Variants in PDE3A observed in about 807,000 individuals in gnomAD.
PDE3A encodes the protein phosphodiesterase 3A.
A neutral mutation model predicts 98.3 loss-of-function variants in PDE3A; 43 were observed. The observed-to-expected ratio is 0.44, with a 90% CI of 0.34 to 0.56. The LOEUF (loss-of-function observed/expected upper bound fraction) is 0.56, where lower values mean the gene tolerates loss of function less well. Ranked by LOEUF, PDE3A falls within the 20% of genes least tolerant of loss-of-function variation. The pLI, the probability that PDE3A is intolerant of heterozygous loss-of-function variation, is 0.01. For synonymous variants in PDE3A, 663 were observed against 567.9 expected (o/e 1.17, Z -2.38); for missense variants, 1,427 against 1,440.7 (o/e 0.99, Z 0.15).
At chr12:20,670,367 C>T (rs1429008177) in intron 15 of PDE3A, among the ~76,000 whole-genome samples, 1 of 150,316 alleles carries the variant, frequency 6.7e-6, no homozygotes, top group Non-Finnish European at 1.5e-5. Context: ...ATCTACAGAA[C>T]TCTCCACCCC....
intron 2 of PDE3A, among the ~76,000 whole-genome samples, chr12:20,601,343 A>G (rs1943587406): frequency 2.6e-5 from 4 of 152,070 alleles, no homozygotes; most frequent in Admixed American, 2.0e-4. Flanking sequence ...AAATGTTTGT[A>G]TGGTCCTGAA....
chr12:20,601,552 TG>T (rs1371449760), intron 2 of PDE3A, among the ~76,000 whole-genome samples: 1 of 152,200 alleles, frequency 6.6e-6, no homozygotes, highest in African/African-American at 2.4e-5. Context: ...AAATTACATG[TG>T]GGAAAATGTT....
intron 1 of PDE3A, among the ~76,000 whole-genome samples, chr12:20,376,805 T>A (rs1822752): frequency 0.69 from 104,437 of 151,534 alleles, 36,251 homozygotes; most frequent in East Asian, 0.98. Flanking sequence ...AAATAGGGTA[T>A]AATATCAGAG....
intron 2 of PDE3A, among the ~76,000 whole-genome samples, chr12:20,600,521 T>C (rs1943569595): frequency 6.6e-6 from 1 of 152,190 alleles, no homozygotes; most frequent in Non-Finnish European, 1.5e-5. Flanking sequence ...AAGCACTGTG[T>C]ACTTCACCTG....
rs1252815621 is a variant in PDE3A, at chr12:20,552,780, A to G, written c.961-3880A>G. On this transcript the variant is annotated intron_variant, in intron 1 of 15. Coordinates refer to ENST00000359062, the MANE Select transcript of PDE3A (RefSeq NM_000921.5). This position sits in a 1 kb window ranked among gnomAD's most constrained non-coding sequence, Gnocchi z 5.1. ...GCCCGTTCCAGTTGTTCCTGAGTAAAGTGGAGGAGACGTTCCAGTGTATCT... is the reference window on the plus strand; with the variant it reads ...GCCCGTTCCAGTTGTTCCTGAGTAAGGTGGAGGAGACGTTCCAGTGTATCT... The G allele has an allele frequency of 6.2e-7, 1 of 1,613,916 alleles. No homozygotes were observed. Among genetic ancestry groups the G allele is most frequent in the Non-Finnish European group, 8.5e-7 (1 of 1,179,914 alleles).
At chr12:20,578,002 G>A (rs1942974528) in intron 2 of PDE3A, among the ~76,000 whole-genome samples, 1 of 152,130 alleles carries the variant, frequency 6.6e-6, no homozygotes, top group Non-Finnish European at 1.5e-5. Flanking sequence ...GCAGTCCTGT[G>A]AGAATTCCAC....
At chr12:20,396,401 C>T (rs1436190713) in intron 1 of PDE3A, among the ~76,000 whole-genome samples, 1 of 152,054 alleles carries the variant, frequency 6.6e-6, no homozygotes, top group Non-Finnish European at 1.5e-5. Context: ...ACAGTTTCGT[C>T]TGGGTGGTGA....
At chr12:20,587,715 C>G (rs1200323089) in intron 2 of PDE3A, among the ~76,000 whole-genome samples, 2 of 152,120 alleles carry the variant, frequency 1.3e-5, no homozygotes, top group Admixed American at 6.5e-5. Context: ...AGTTCTTAAG[C>G]CGATGGATTC....
chr12:20,606,813 A>C (rs1414402724), intron 2 of PDE3A, among the ~76,000 whole-genome samples: 1 of 148,976 alleles, frequency 6.7e-6, no homozygotes, highest in Non-Finnish European at 1.5e-5. Context: ...AGCTGAGATC[A>C]CGCCATTGCA....
At chr12:20,420,956 C>G (rs771342193) in intron 1 of PDE3A, among the ~76,000 whole-genome samples, 1 of 152,062 alleles carries the variant, frequency 6.6e-6, no homozygotes, top group Non-Finnish European at 1.5e-5. Flanking sequence ...TGGACTTGTT[C>G]CATATTGTCC....
chr12:20,629,542 A>G (rs1340519916), intron 5 of PDE3A, among the ~76,000 whole-genome samples: 1 of 152,232 alleles, frequency 6.6e-6, no homozygotes, highest in African/African-American at 2.4e-5. Flanking sequence ...TCACAACCTA[A>G]GAGAAAGTAA....
chr12:20,531,467 A>T (rs760550342), intron 1 of PDE3A, among the ~76,000 whole-genome samples: 1 of 152,172 alleles, frequency 6.6e-6, no homozygotes, highest in Non-Finnish European at 1.5e-5. Flanking sequence ...ACTCACAATC[A>T]TTATATTAGA....
intron 1 of PDE3A, among the ~76,000 whole-genome samples, chr12:20,556,298 A>C (rs1942365973): frequency 6.6e-6 from 1 of 152,134 alleles, no homozygotes; most frequent in African/African-American, 2.4e-5. Context: ...CATTTGCGGC[A>C]GTAGATTTAA....
chr12:20,463,739 T>G (rs1472678345), intron 1 of PDE3A, among the ~76,000 whole-genome samples: 1 of 152,164 alleles, frequency 6.6e-6, no homozygotes, highest in Non-Finnish European at 1.5e-5. Flanking sequence ...ACAAAAGTAG[T>G]ATGTACCTGC....
intron 1 of PDE3A, among the ~76,000 whole-genome samples, chr12:20,373,168 T>G (rs1943508841): frequency 6.6e-6 from 1 of 152,066 alleles, no homozygotes; most frequent in South Asian, 2.1e-4. Context: ...ATAAAGTTTG[T>G]TTAGCTTTTA....
At chr12:20,678,423 C>T (rs1364603419) in intron 15 of PDE3A, among the ~76,000 whole-genome samples, 3 of 152,176 alleles carry the variant, frequency 2.0e-5, no homozygotes, top group East Asian at 1.9e-4. Context: ...TCTAGCCTAC[C>T]GTCTTGAAGA....
intron 1 of PDE3A, among the ~76,000 whole-genome samples, chr12:20,402,133 C>T (rs1190162276): frequency 1.3e-5 from 2 of 152,004 alleles, no homozygotes. Context: ...CTAACAAGAC[C>T]TCCTGGGAAA....
chr12:20,584,702 C>T (rs1011529329), intron 2 of PDE3A, among the ~76,000 whole-genome samples: 1 of 151,922 alleles, frequency 6.6e-6, no homozygotes, highest in African/African-American at 2.4e-5. Context: ...TTATTTTGAC[C>T]CAAGCTCAGA....
chr12:20,376,258 C>A (rs1446227065), intron 1 of PDE3A, among the ~76,000 whole-genome samples: 1 of 151,810 alleles, frequency 6.6e-6, no homozygotes, highest in East Asian at 1.9e-4. Context: ...GAGAAGGAAA[C>A]TGAGAGTTAG....
Sources: allele counts gnomAD v4.1 joint callset (sites outside exome capture counted in the v4.1 genomes callset), GRCh38; gene constraint gnomAD v4.1.1; non-coding constraint Gnocchi (gnomAD v3.1); transcripts MANE v1.5; gene names NCBI Gene and HGNC (gene_info 2026-07-23, HGNC 2026-07-21).